The following PLEKHA7 variants were observed in gnomAD, a reference collection of about 807,000 sequenced individuals.
PLEKHA7 encodes pleckstrin homology domain-containing family A member 7.
In PLEKHA7, 104 loss-of-function variants were observed where a neutral mutation model predicts 170.0. That is an observed-to-expected ratio of 0.61 (90% CI 0.52 to 0.72). The LOEUF is 0.72. Ranked by LOEUF, PLEKHA7 falls within the 30% of genes least tolerant of loss-of-function variation. The pLI is 0.00. For synonymous variants in PLEKHA7, 648 were observed against 660.8 expected, an observed-to-expected ratio of 0.98 and a Z score of 0.30; for missense variants, 1,615 against 1,671.7, an observed-to-expected ratio of 0.97 and a Z score of 0.59.
At chr11:16,949,308 G>T (rs183720963) in intron 3 of PLEKHA7, among the ~76,000 whole-genome samples, 24 of 152,188 alleles carry the variant, frequency 1.6e-4, no homozygotes, top group African/African-American at 5.5e-4. Context: ...CACCTTCTAG[G>T]CCTCATTTAG....
At chr11:16,907,402 C>G (rs531966458) in intron 3 of PLEKHA7, among the ~76,000 whole-genome samples, 35 of 134,108 alleles carry the variant, frequency 2.6e-4, no homozygotes, top group African/African-American at 8.6e-4. Context: ...GTCAGCCCCC[C>G]GCCCGGCCAG....
chr11:16,990,294 A>C (rs200095654), intron 3 of PLEKHA7, among the ~76,000 whole-genome samples: 3 of 148,906 alleles, frequency 2.0e-5, no homozygotes, highest in African/African-American at 4.9e-5. Flanking sequence ...AAAAAAAAAA[A>C]AAAAACTTCT....
intron 3 of PLEKHA7, among the ~76,000 whole-genome samples, chr11:16,875,417 T>A (rs1855207965): frequency 6.7e-6 from 1 of 150,142 alleles, no homozygotes; most frequent in South Asian, 2.1e-4. Flanking sequence ...TAATGGCTTC[T>A]GAATACTGAA....
At chr11:16,893,639 G>A (rs1856816026) in intron 3 of PLEKHA7, among the ~76,000 whole-genome samples, 1 of 152,200 alleles carries the variant, frequency 6.6e-6, no homozygotes, top group Non-Finnish European at 1.5e-5. Context: ...GTAACAGAAG[G>A]AGAAAACCAA....
In PLEKHA7 at chr11:16,789,782, G is replaced by C. The variant is rs368334548; in HGVS notation, c.3149C>G (p.Thr1050Ser). 1.4e-5 allele frequency: 23 copies of C among 1,613,546 alleles called. No individual in the cohort carries two copies. Among genetic ancestry groups the C allele is most frequent in the African/African-American group, 1.1e-4 (8 of 74,934 alleles). ...RGLNAESSKA[T>S]FPRPKSALER... Reference sequence around the variant, plus strand: ...CAGCTCAAGGCCACTCACAGGGAAGGTCGCCTTGCTGCTTTCGGCATTGAG... The same window carrying C: ...CAGCTCAAGGCCACTCACAGGGAAGCTCGCCTTGCTGCTTTCGGCATTGAG... The change falls in exon 22 of 27, where the codon ACC becomes AGC. Residue 1050 changes from threonine (T) to serine (S), a missense_variant. By Grantham distance (58) the Thr-to-Ser change is moderately conservative. Transcript: ENST00000531066. This position sits in a 1 kb window ranked among gnomAD's most constrained non-coding sequence, Gnocchi z 4.6.
At chr11:16,963,089 T>C (rs567064237) in intron 3 of PLEKHA7, among the ~76,000 whole-genome samples, 3 of 152,294 alleles carry the variant, frequency 2.0e-5, no homozygotes, top group African/African-American at 7.2e-5. Context: ...TGACCCAGGA[T>C]GTATCACGGA....
chr11:16,966,088 C>T (rs559961649), intron 3 of PLEKHA7, among the ~76,000 whole-genome samples: 53 of 152,266 alleles, frequency 3.5e-4, no homozygotes, highest in Admixed American at 3.2e-3. Context: ...GAGGCTGAGG[C>T]AGGAGAATCA....
At chr11:16,811,743 C>G (rs1849388420) in intron 13 of PLEKHA7, among the ~76,000 whole-genome samples, 1 of 152,200 alleles carries the variant, frequency 6.6e-6, no homozygotes, top group Admixed American at 6.5e-5. Context: ...AAAGCCAGGT[C>G]TTTTTGCTCA....
At chr11:16,845,044 T>C (rs1852278103) in intron 8 of PLEKHA7, among the ~76,000 whole-genome samples, 1 of 152,240 alleles carries the variant, frequency 6.6e-6, no homozygotes. Context: ...GTCAGGATGC[T>C]GTGAGGAGAA....
rs1861346838 is a variant in PLEKHA7, at chr11:16,950,612, C to A, written c.221+63377G>T. The stretch of plus-strand genomic sequence containing the variant: ...ATCTAATGCTCAAGTACTATCCAGC[C>A]TGATCTGCTCGCCATTGTGGCCCCA... On this transcript the variant is annotated intron_variant, in intron 3 of 26. Transcript: ENST00000531066. 5.3e-5 allele frequency among the ~76,000 whole-genome samples: 8 copies of A among 152,180 alleles called. No individual in the cohort carries two copies. In the South Asian group the frequency reaches 1.7e-3, roughly 32 times the overall value.
At chr11:16,797,353 C>A (rs1848304999) in intron 17 of PLEKHA7, among the ~76,000 whole-genome samples, 1 of 152,202 alleles carries the variant, frequency 6.6e-6, no homozygotes, top group Admixed American at 6.5e-5. Flanking sequence ...AGGCACCTAG[C>A]TACCCCTCAA....
At chr11:16,933,343 G>C (rs1034247373) in intron 3 of PLEKHA7, among the ~76,000 whole-genome samples, 15 of 152,196 alleles carry the variant, frequency 9.9e-5, no homozygotes, top group Admixed American at 7.2e-4. Context: ...CCTCTGAAAA[G>C]AAGTGGGGAA....
chr11:16,806,656 AG>A (rs1786348414), intron 13 of PLEKHA7, among the ~76,000 whole-genome samples: 1 of 152,222 alleles, frequency 6.6e-6, no homozygotes, highest in African/African-American at 2.4e-5. Context: ...GGGTATGGGC[AG>A]GGGGTGGCAT....
At chr11:16,962,027 C>T (rs1590729498) in intron 3 of PLEKHA7, among the ~76,000 whole-genome samples, 1 of 152,184 alleles carries the variant, frequency 6.6e-6, no homozygotes, top group Non-Finnish European at 1.5e-5. Context: ...CAAGCTGATC[C>T]CACTCCCACT....
chr11:16,805,480 TC>T (rs1479396336), intron 13 of PLEKHA7, among the ~76,000 whole-genome samples: 2 of 152,142 alleles, frequency 1.3e-5, no homozygotes, highest in East Asian at 3.8e-4. Context: ...AGTAGATTTC[TC>T]TTGTCCCTTT....
intron 3 of PLEKHA7, among the ~76,000 whole-genome samples, chr11:16,892,448 TG>T (rs1856710545): frequency 3.8e-5 from 4 of 106,456 alleles, no homozygotes; most frequent in South Asian, 5.1e-4. Context: ...TGTTTTGTTT[TG>T]TTTTGTTTTG....
At chr11:16,857,640 T>A (rs575495583) in intron 4 of PLEKHA7, among the ~76,000 whole-genome samples, 6 of 152,382 alleles carry the variant, frequency 3.9e-5, no homozygotes, top group Admixed American at 3.9e-4. Context: ...GTTGCTTCAG[T>A]TATGGCAGCT....
chr11:16,992,493 G>A (rs777385754), intron 3 of PLEKHA7, among the ~76,000 whole-genome samples: 4 of 152,186 alleles, frequency 2.6e-5, no homozygotes, highest in African/African-American at 9.7e-5. Flanking sequence ...AGTGGCTCAC[G>A]CCTGTTATTC....
At chr11:16,864,747 G>T (rs1407196691) in intron 4 of PLEKHA7, among the ~76,000 whole-genome samples, 2 of 152,130 alleles carry the variant, frequency 1.3e-5, no homozygotes, top group Non-Finnish European at 2.9e-5. Context: ...ATGATTGTGG[G>T]ACCTCCCCAG....
Sources: allele counts gnomAD v4.1 joint callset (sites outside exome capture counted in the v4.1 genomes callset), GRCh38; gene constraint gnomAD v4.1.1; non-coding constraint Gnocchi (gnomAD v3.1); transcripts MANE v1.5; gene names NCBI Gene and HGNC (gene_info 2026-07-23, HGNC 2026-07-21).